Variants in INPP4B observed in about 807,000 individuals in gnomAD.
INPP4B encodes the protein inositol polyphosphate-4-phosphatase type II B, also known as inositol polyphosphate 4-phosphatase type II.
INPP4B carries 55 observed loss-of-function variants against 122.5 expected under a neutral mutation model. The observed-to-expected ratio is 0.45, with a 90% CI of 0.36 to 0.56. The LOEUF (loss-of-function observed/expected upper bound fraction) is 0.56. Ranked by LOEUF, INPP4B falls within the 20% of genes least tolerant of loss-of-function variation. The probability of loss-of-function intolerance (pLI) is 0.00; values close to 1 mark genes in which losing one functional copy is unlikely to be tolerated. For missense variants in INPP4B, 1,000 were observed against 1,097.7 expected (o/e 0.91, Z 1.26); for synonymous variants, 403 against 388.7 (o/e 1.04, Z -0.43).
intron 7 of INPP4B, among the ~76,000 whole-genome samples, chr4:142,321,534 T>G (rs1770021908): frequency 6.6e-6 from 1 of 152,214 alleles, no homozygotes; most frequent in Non-Finnish European, 1.5e-5. Context: ...TTTTCTAATG[T>G]TATCTTCTAG....
chr4:142,277,758 G>C, intron 9 of INPP4B, among the ~76,000 whole-genome samples: 1 of 151,288 alleles, frequency 6.6e-6, no homozygotes, highest in Non-Finnish European at 1.5e-5. Flanking sequence ...GGCATTTGCA[G>C]CAACCTGGAT....
intron 2 of INPP4B, among the ~76,000 whole-genome samples, chr4:142,665,512 A>G (rs1453856731): frequency 7.9e-5 from 11 of 138,598 alleles, no homozygotes; most frequent in Admixed American, 7.4e-4. Flanking sequence ...AAAAAAAAAG[A>G]AAGAAAGAAA....
At chr4:142,651,398 T>A (rs1011890353) in intron 2 of INPP4B, among the ~76,000 whole-genome samples, 11 of 151,806 alleles carry the variant, frequency 7.2e-5, no homozygotes, top group African/African-American at 2.7e-4. Context: ...GATAGAGACA[T>A]AAAAAATTCT....
intron 3 of INPP4B, among the ~76,000 whole-genome samples, chr4:142,450,980 C>CA (rs1814040674): frequency 6.7e-6 from 1 of 149,744 alleles, no homozygotes; most frequent in Admixed American, 6.7e-5. Context: ...TTAACTCCCC[C>CA]CCCCAAAAAA....
At chr4:142,197,388 T>C (rs1286559520) in intron 14 of INPP4B, among the ~76,000 whole-genome samples, 1 of 152,128 alleles carries the variant, frequency 6.6e-6, no homozygotes, top group African/African-American at 2.4e-5. Context: ...CAAACTCAAT[T>C]ACCACCTTCT....
At chr4:142,177,033 T>C (rs1275143301) in intron 15 of INPP4B, among the ~76,000 whole-genome samples, 1 of 152,172 alleles carries the variant, frequency 6.6e-6, no homozygotes, top group Non-Finnish European at 1.5e-5. Flanking sequence ...ATATTCCCTT[T>C]CCTCTCCCCA....
At chr4:142,152,625 C>A (rs1291139831) in intron 17 of INPP4B, among the ~76,000 whole-genome samples, 1 of 151,772 alleles carries the variant, frequency 6.6e-6, no homozygotes, top group East Asian at 1.9e-4. Flanking sequence ...GAGATAAGAT[C>A]TTCTGTTGCC....
intron 9 of INPP4B, among the ~76,000 whole-genome samples, chr4:142,273,679 T>G (rs994278872): frequency 6.6e-6 from 1 of 151,968 alleles, no homozygotes; most frequent in Non-Finnish European, 1.5e-5. Flanking sequence ...CTATAGGCTT[T>G]CACTTAGTGC....
chr4:142,724,626 A>G (rs931909240), intron 2 of INPP4B, among the ~76,000 whole-genome samples: 9 of 152,164 alleles, frequency 5.9e-5, no homozygotes, highest in Non-Finnish European at 1.5e-5. Flanking sequence ...GAACATTTTA[A>G]TTTGAATTAA....
intron 9 of INPP4B, among the ~76,000 whole-genome samples, chr4:142,273,395 A>G (rs1746852036): frequency 6.6e-6 from 1 of 151,986 alleles, no homozygotes; most frequent in South Asian, 2.1e-4. Context: ...CTCATGGCAT[A>G]TGCTATCTCA....
chr4:142,180,008 A>C (rs891439673), intron 15 of INPP4B, among the ~76,000 whole-genome samples: 5 of 152,156 alleles, frequency 3.3e-5, no homozygotes, highest in Non-Finnish European at 5.9e-5. Flanking sequence ...CTTATGCCCT[A>C]ATATACTTGA....
intron 9 of INPP4B, among the ~76,000 whole-genome samples, chr4:142,295,337 G>A (rs1561776682): frequency 6.6e-6 from 1 of 152,184 alleles, no homozygotes; most frequent in Non-Finnish European, 1.5e-5. Flanking sequence ...GTCAATGACT[G>A]TGGATGGGGG....
Position 142,800,976 on chromosome 4 carries a change from T to C in INPP4B, c.-254+45233A>G, listed in dbSNP as rs1296942841. Reference sequence around the variant, plus strand: ...TTAAAGGATCTGAAGTAGATCCATGTTGGCTGGAAATAGATTTGATGAAGA... The same window carrying C: ...TTAAAGGATCTGAAGTAGATCCATGCTGGCTGGAAATAGATTTGATGAAGA... On this transcript the variant is annotated intron_variant, in intron 1 of 25. Coordinates refer to ENST00000262992, the MANE Select transcript of INPP4B (RefSeq NM_001101669.3). 2.0e-5 allele frequency among the ~76,000 whole-genome samples: 3 copies of C among 152,034 alleles called. No homozygotes were observed. In the East Asian group the frequency reaches 5.8e-4, roughly 29 times the overall value.
chr4:142,614,891 A>G (rs370034168), intron 2 of INPP4B, among the ~76,000 whole-genome samples: 1 of 152,180 alleles, frequency 6.6e-6, no homozygotes, highest in Non-Finnish European at 1.5e-5. Flanking sequence ...TCAAAAAACA[A>G]CAGATGTTGG....
At position 142,299,572 on chromosome 4, in the gene INPP4B, C is replaced by T. The variant is rs550385112; in HGVS notation, c.503+5886G>A. Among the ~76,000 whole-genome samples, 97 of 150,902 alleles carry T rather than the reference C, an allele frequency of 6.4e-4. 2 individuals carry two copies. In the South Asian group the frequency reaches 0.019, roughly 30 times the overall value. ...AGCATAAACTTAGCTACTTATGTGC[C>T]ATCCTTTTCCTCTAATTTTTCCATC... On this transcript the variant is annotated intron_variant, in intron 9 of 25. Coordinates refer to ENST00000262992, the MANE Select transcript of INPP4B (RefSeq NM_001101669.3).
intron 5 of INPP4B, among the ~76,000 whole-genome samples, chr4:142,421,279 G>A (rs1246031890): frequency 1.3e-5 from 2 of 152,004 alleles, no homozygotes; most frequent in Non-Finnish European, 2.9e-5. Context: ...CTAGTTATCC[G>A]ATGCTCTCAA....
intron 2 of INPP4B, among the ~76,000 whole-genome samples, chr4:142,630,520 G>A (rs1747696727): frequency 6.6e-6 from 1 of 152,062 alleles, no homozygotes; most frequent in Non-Finnish European, 1.5e-5. Flanking sequence ...TTCTGTTAAT[G>A]ACAGGCTGGT....
intron 2 of INPP4B, among the ~76,000 whole-genome samples, chr4:142,719,692 T>C (rs540744225): frequency 1.3e-5 from 2 of 152,258 alleles, no homozygotes; most frequent in South Asian, 4.1e-4. Flanking sequence ...TAAAAAATTA[T>C]ATGTACTATA....
At chr4:142,800,185 C>A (rs1011267686) in intron 1 of INPP4B, among the ~76,000 whole-genome samples, 2 of 152,060 alleles carry the variant, frequency 1.3e-5, no homozygotes, top group African/African-American at 2.4e-5. Context: ...AGTGAGAAAA[C>A]ATGATGCCTT....
Sources: gnomAD v4.1 joint callset for allele counts (sites outside exome capture counted in the v4.1 genomes callset) on GRCh38, gnomAD v4.1.1 for gene constraint, MANE v1.5 for transcripts, NCBI Gene and HGNC (gene_info 2026-07-23, HGNC 2026-07-21) for gene names.